The following SLC25A4 variants were observed in gnomAD, a reference collection of about 807,000 sequenced individuals.
SLC25A4 encodes the protein solute carrier family 25 member 4.
SLC25A4 carries 10 observed loss-of-function variants against 24.7 expected under a neutral mutation model. The ratio of observed to expected loss-of-function variants is 0.41; its 90% CI spans 0.25 to 0.69. The LOEUF (loss-of-function observed/expected upper bound fraction) is 0.69. Among genes scored for constraint, SLC25A4 ranks in the 30% least tolerant of loss-of-function variants. SLC25A4 has a pLI of 0.35. For synonymous variants in SLC25A4, 125 were observed against 153.3 expected (o/e 0.82, Z 1.36); for missense variants, 273 against 387.6 (o/e 0.70, Z 2.48).
Position 185,143,380 on chromosome 4 carries a change from A to G in SLC25A4, c.8A>G (p.Asp3Gly). ...GAGCGTCGAGCTGTCACCATGGGTGATCACGCTTGGAGCTTCCTAAAGGAC... is the reference window on the plus strand; with the variant it reads ...GAGCGTCGAGCTGTCACCATGGGTGGTCACGCTTGGAGCTTCCTAAAGGAC... MGDHAWSFLKDFL... is the reference protein window; with the variant it reads MGGHAWSFLKDFL... The change falls in exon 1 of 4, where the codon GAT (aspartate) becomes GGT (glycine). Residue 3 changes from aspartate (D) to glycine (G), a missense_variant. Transcript: ENST00000281456. 1 of 1,528,624 alleles carries G rather than the reference A, an allele frequency of 6.5e-7. No homozygotes were observed. Among genetic ancestry groups the G allele is most frequent in the Non-Finnish European group, 8.8e-7 (1 of 1,133,842 alleles). 94.7% of individuals were successfully genotyped at this position (1,528,624 alleles called of 1,614,324 possible). A position where few individuals can be genotyped will look rare whatever the true frequency, so the allele number is the denominator to read the frequency against.
intron 1 of SLC25A4, 85 bp from the exon 2 acceptor site, chr4:185,144,679 G>A (rs1315982742): frequency 1.2e-5 from 16 of 1,351,752 alleles, no homozygotes; most frequent in Non-Finnish European, 1.7e-5. Context: ...AAAAATCTAG[G>A]AAGTGCAAAC....
chr4:185,147,088 A>T lies in SLC25A4; in HGVS notation c.*117A>T. ...AAGTAAAAAGATCTGGGATAAAACC[A>T]GACTGAAAGGAATACCTCAGAAGAG... On this transcript the variant is annotated 3_prime_UTR_variant, in exon 4 of 4. Transcript: ENST00000281456. 1.1e-6 allele frequency: 1 copy of T among 887,700 alleles called. No individual in the cohort carries two copies. The highest frequency in any genetic ancestry group is 1.8e-6 in the Non-Finnish European group (1 of 559,506). The allele number at this position is 887,700 out of a possible 1,614,324, so 55.0% of individuals were successfully genotyped here. A position where few individuals can be genotyped will look rare whatever the true frequency, so the allele number is the denominator to read the frequency against.
rs1271510040 is a variant in SLC25A4, at chr4:185,148,442, T to C, written c.*1471T>C. 1 of 152,152 alleles carries C rather than the reference T, an allele frequency of 6.6e-6. No individual in the cohort carries two copies. The highest frequency in any genetic ancestry group is 2.4e-5 in the African/African-American group (1 of 41,436). The allele number at this position is 152,152 out of a possible 1,614,324, so 9.4% of individuals were successfully genotyped here. A position where few individuals can be genotyped will look rare whatever the true frequency, so the allele number is the denominator to read the frequency against. ...GATAGGAACCTGCCCTGAAAGATGC[T>C]TCAGTTGGGGAGAAAAGGTGAAATT... is the stretch of plus-strand genomic sequence containing the variant. On this transcript the variant is annotated 3_prime_UTR_variant, in exon 4 of 4. Coordinates refer to ENST00000281456, the MANE Select transcript of SLC25A4 (RefSeq NM_001151.4).
rs2111288719 is a variant in SLC25A4, at chr4:185,148,015, AGTTTAAGCTACTATAACAAGGTACT to A, written c.*1047_*1071del. On this transcript the variant is annotated 3_prime_UTR_variant, in exon 4 of 4. Transcript: ENST00000281456. ...AAAAAGAAAGAAAATCAGTTGTCTTAGTTTAAGCTACTATAACAAGGTACTGTAGACTGATGGCTTATAAGCAACA... is the reference window on the plus strand; with the variant it reads ...AAAAAGAAAGAAAATCAGTTGTCTTAGTAGACTGATGGCTTATAAGCAACA... 6.6e-6 allele frequency: 1 copy of A among 151,998 alleles called. No individual in the cohort carries two copies. Among genetic ancestry groups the A allele is most frequent in the African/African-American group, 2.4e-5 (1 of 41,488 alleles). The allele number at this position is 151,998 out of a possible 1,614,324, so 9.4% of individuals were successfully genotyped here.
chr4:185,148,993 T>C lies in SLC25A4; in HGVS notation c.*2022T>C, dbSNP rs923129701. 2 of 152,210 alleles carry C rather than the reference T, an allele frequency of 1.3e-5. No individual in the cohort carries two copies. Among genetic ancestry groups the C allele is most frequent in the Non-Finnish European group, 2.9e-5 (2 of 68,050 alleles). 9.4% of individuals were successfully genotyped at this position (152,210 alleles called of 1,614,324 possible). ...ACCACAGTTACCAAGGTCTGAGTTT[T>C]ATAAAATCCAGGATCACATCTGACC... On this transcript the variant is annotated 3_prime_UTR_variant, in exon 4 of 4. Coordinates refer to ENST00000281456, the MANE Select transcript of SLC25A4 (RefSeq NM_001151.4).
chr4:185,143,342 G>T lies in SLC25A4; in HGVS notation c.-31G>T. On this transcript the variant is annotated 5_prime_UTR_variant, in exon 1 of 4. Coordinates refer to ENST00000281456, the MANE Select transcript of SLC25A4 (RefSeq NM_001151.4). ...GCGTGGGCGAGAGCACGAACGGGCT[G>T]CCTGCGGGCTGAGAGCGTCGAGCTG... 1 of 1,355,488 alleles carries T rather than the reference G, an allele frequency of 7.4e-7. No individual in the cohort carries two copies. Among genetic ancestry groups the T allele is most frequent in the Non-Finnish European group, 1.0e-6 (1 of 979,912 alleles). The allele number at this position is 1,355,488 out of a possible 1,614,324, so 84.0% of individuals were successfully genotyped here.
rs1734453781 is a variant in SLC25A4, at chr4:185,147,003, G to C, written c.*32G>C. ...TAAAACACAAGTTCACAGATTTACA[G>C]TGAACTTGATCTACAAGTTCACAGA... On this transcript the variant is annotated 3_prime_UTR_variant, in exon 4 of 4. Transcript: ENST00000281456. 2 of 1,595,234 alleles carry C rather than the reference G, an allele frequency of 1.3e-6. No homozygotes were observed. Among genetic ancestry groups the C allele is most frequent in the Non-Finnish European group, 1.7e-6 (2 of 1,164,424 alleles).
In SLC25A4 at chr4:185,143,298, C is replaced by G. The variant is rs1342561412; in HGVS notation, c.-75C>G. 1 of 845,558 alleles carries G rather than the reference C, an allele frequency of 1.2e-6. No homozygotes were observed. Among genetic ancestry groups the G allele is most frequent in the Non-Finnish European group, 1.9e-6 (1 of 530,616 alleles). The allele number at this position is 845,558 out of a possible 1,614,324, so 52.4% of individuals were successfully genotyped here. A position where few individuals can be genotyped will look rare whatever the true frequency, so the allele number is the denominator to read the frequency against. On this transcript the variant is annotated 5_prime_UTR_variant, in exon 1 of 4. Transcript: ENST00000281456. ...TAGCGTCGCGCAGGGTCGGGGACTGCGCGGCGGTGCCAGGCCGGGCGTGGG... is the reference window on the plus strand; with the variant it reads ...TAGCGTCGCGCAGGGTCGGGGACTGGGCGGCGGTGCCAGGCCGGGCGTGGG...
rs759487162 is a variant in SLC25A4 at position 185,145,093 on chromosome 4, G to A, written c.441G>A (p.Lys147=). ...ARTRLAADVG[K]GAAQREFHGL... is the part of the protein sequence containing the mutation. The stretch of plus-strand genomic sequence containing the variant: ...CCAGGTTGGCTGCTGATGTGGGCAA[G>A]GGCGCCGCCCAGCGTGAGTTCCATG... The change falls in exon 2 of 4, where the codon AAG becomes AAA. Residue 147 remains lysine, a synonymous_variant. Coordinates refer to ENST00000281456, the MANE Select transcript of SLC25A4 (RefSeq NM_001151.4). This position sits in a 1 kb window ranked among gnomAD's most constrained non-coding sequence, Gnocchi z 5.5. 3.7e-6 allele frequency: 6 copies of A among 1,613,520 alleles called. No individual in the cohort carries two copies. Among genetic ancestry groups the A allele is most frequent in the Non-Finnish European group, 5.1e-6 (6 of 1,179,530 alleles).
In SLC25A4 at chr4:185,149,899, G is replaced by T. The variant is rs1212596685; in HGVS notation, c.*2928G>T. ...AAAATTATGGAGGATGATGCAAGAT[G>T]AGTGAGTCCATAATGGTAATAATTG... On this transcript the variant is annotated 3_prime_UTR_variant, in exon 4 of 4. Coordinates refer to ENST00000281456, the MANE Select transcript of SLC25A4 (RefSeq NM_001151.4). 2.6e-5 allele frequency: 4 copies of T among 152,214 alleles called. No homozygotes were observed. Among genetic ancestry groups the T allele is most frequent in the African/African-American group, 9.7e-5 (4 of 41,442 alleles). The allele number at this position is 152,214 out of a possible 1,614,324, so 9.4% of individuals were successfully genotyped here. A position where few individuals can be genotyped will look rare whatever the true frequency, so the allele number is the denominator to read the frequency against.
chr4:185,145,792 T>C lies in SLC25A4; in HGVS notation c.632T>C (p.Phe211Ser). 6.2e-7 allele frequency: 1 copy of C among 1,614,234 alleles called. No individual in the cohort carries two copies. Among genetic ancestry groups the C allele is most frequent in the Non-Finnish European group, 8.5e-7 (1 of 1,180,032 alleles). The part of the protein sequence containing the change: ...MLPDPKNVHI[F>S]VSWMIAQSVT... ...CCTGACCCCAAGAACGTGCACATTTTTGTGAGCTGGATGATTGCCCAGAGT... is the reference window on the plus strand; with the variant it reads ...CCTGACCCCAAGAACGTGCACATTTCTGTGAGCTGGATGATTGCCCAGAGT... Residue 211 changes from phenylalanine (F) to serine (S), a missense_variant, in exon 3 of 4, where the codon TTT (phenylalanine) becomes TCT (serine). Physicochemically the swap from Phe to Ser is radical, Grantham distance 155 (BLOSUM62 -2). Transcript: ENST00000281456. The surrounding 1 kb of genome is among the most constrained non-coding windows in gnomAD (Gnocchi z 5.5).
rs753651262 is a variant in SLC25A4 at position 185,145,259 on chromosome 4, G to C, written c.598+9G>C. ...CTATGATACTGCCAAGGGTGAGAGAGGGGCATCGGGGAGAAGGAGGGTGGT... is the reference window on the plus strand; with the variant it reads ...CTATGATACTGCCAAGGGTGAGAGACGGGCATCGGGGAGAAGGAGGGTGGT... On this transcript the variant is annotated intron_variant, in intron 2 of 3. Transcript: ENST00000281456. The surrounding 1 kb of genome is among the most constrained non-coding windows in gnomAD (Gnocchi z 5.5). 1.2e-6 allele frequency: 2 copies of C among 1,613,784 alleles called. No individual in the cohort carries two copies. Among genetic ancestry groups the C allele is most frequent in the Admixed American group, 3.3e-5 (2 of 60,002 alleles).
rs1734507251 is a variant in SLC25A4 at position 185,149,812 on chromosome 4, GCCTCAC to G, written c.*2843_*2848del. The G allele has an allele frequency of 6.6e-6, 1 of 151,426 alleles. No homozygotes were observed. Among genetic ancestry groups the G allele is most frequent in the Non-Finnish European group, 1.5e-5 (1 of 67,954 alleles). The allele number at this position is 151,426 out of a possible 1,614,324, so 9.4% of individuals were successfully genotyped here. A position where few individuals can be genotyped will look rare whatever the true frequency, so the allele number is the denominator to read the frequency against. ...ACCTTTAGGTATTTTCTCCCCTAAA[GCCTCAC>G]CTGTTGGCATTTTACATCTTTTTAA... On this transcript the variant is annotated 3_prime_UTR_variant, in exon 4 of 4. Coordinates refer to ENST00000281456, the MANE Select transcript of SLC25A4 (RefSeq NM_001151.4).
In SLC25A4 at chr4:185,145,662, G is replaced by C. The variant is rs1200274484; in HGVS notation, c.599-97G>C. On this transcript the variant is annotated intron_variant, in intron 2 of 3. Coordinates refer to ENST00000281456, the MANE Select transcript of SLC25A4 (RefSeq NM_001151.4). The surrounding 1 kb of genome is among the most constrained non-coding windows in gnomAD (Gnocchi z 5.5). Reference sequence around the variant, plus strand: ...GGGGCAGGTTCCCCGCAAGGTCAGAGCATGGAGCTGGAGGTGCAGTGGCCT... The same window carrying C: ...GGGGCAGGTTCCCCGCAAGGTCAGACCATGGAGCTGGAGGTGCAGTGGCCT... The C allele has an allele frequency of 6.7e-7, 1 of 1,481,762 alleles. No homozygotes were observed. Among genetic ancestry groups the C allele is most frequent in the African/African-American group, 1.4e-5 (1 of 72,506 alleles). The allele number at this position is 1,481,762 out of a possible 1,614,324, so 91.8% of individuals were successfully genotyped here. A position where few individuals can be genotyped will look rare whatever the true frequency, so the allele number is the denominator to read the frequency against.
chr4:185,146,186 G>T (rs1252738173), intron 3 of SLC25A4, among the ~76,000 whole-genome samples: 1 of 152,110 alleles, frequency 6.6e-6, no homozygotes, highest in Non-Finnish European at 1.5e-5. Flanking sequence ...TTCCCTTAGA[G>T]CCTGGGTGCA....
chr4:185,146,273 G>A (rs1274940939), intron 3 of SLC25A4, among the ~76,000 whole-genome samples: 1 of 152,154 alleles, frequency 6.6e-6, no homozygotes, highest in African/African-American at 2.4e-5. Context: ...GTGTTAGTGG[G>A]ATGGGGTGTT....
chr4:185,144,969 A>G lies in SLC25A4; in HGVS notation c.317A>G (p.His106Arg), dbSNP rs764796923. 1 of 1,612,900 alleles carries G rather than the reference A, an allele frequency of 6.2e-7. No homozygotes were observed. The highest frequency in any genetic ancestry group is 8.5e-7 in the Non-Finnish European group (1 of 1,179,566). The part of the protein sequence containing the change: ...KQLFLGGVDR[H>R]KQFWRYFAGN... ...CTCTTCTTAGGGGGTGTGGATCGGC[A>G]TAAGCAGTTCTGGCGCTACTTTGCT... The change falls in exon 2 of 4, where the codon CAT (histidine) becomes CGT (arginine). Residue 106 changes from histidine to arginine, a missense_variant. Transcript: ENST00000281456.
Position 185,144,636 on chromosome 4 carries a change from A to G in SLC25A4, c.112-128A>G, listed in dbSNP as rs1451413707. On this transcript the variant is annotated intron_variant, in intron 1 of 3. Transcript: ENST00000281456. ...ATCCATTTACACGTCCTCAGTATCC[A>G]TTTGATTTCCTCATCCTTTTTTTCT... is the stretch of plus-strand genomic sequence containing the variant. 2.8e-5 allele frequency: 24 copies of G among 859,352 alleles called. No individual in the cohort carries two copies. In the East Asian group the frequency reaches 5.9e-4, roughly 21 times the overall value. The allele number at this position is 859,352 out of a possible 1,614,324, so 53.2% of individuals were successfully genotyped here. A position where few individuals can be genotyped will look rare whatever the true frequency, so the allele number is the denominator to read the frequency against.
At position 185,145,276 on chromosome 4, in the gene SLC25A4, G is replaced by C; in HGVS notation, c.598+26G>C. 1.2e-6 allele frequency: 2 copies of C among 1,613,526 alleles called. No homozygotes were observed. Among genetic ancestry groups the C allele is most frequent in the East Asian group, 2.2e-5 (1 of 44,884 alleles). On this transcript the variant is annotated intron_variant, in intron 2 of 3. Coordinates refer to ENST00000281456, the MANE Select transcript of SLC25A4 (RefSeq NM_001151.4). This position sits in a 1 kb window ranked among gnomAD's most constrained non-coding sequence, Gnocchi z 5.5. ...GTGAGAGAGGGGCATCGGGGAGAAG[G>C]AGGGTGGTGTGGAAAGAGGATCCTA...
Sources: gnomAD v4.1 joint callset for allele counts (sites outside exome capture counted in the v4.1 genomes callset) on GRCh38, gnomAD v4.1.1 for gene constraint, Gnocchi (gnomAD v3.1) non-coding constraint, MANE v1.5 for transcripts, NCBI Gene and HGNC (gene_info 2026-07-23, HGNC 2026-07-21) for gene names.